REPS1: variants seen among roughly 807,000 people sequenced by gnomAD.
REPS1 encodes the protein RALBP1 associated Eps domain containing 1.
REPS1 carries 39 observed loss-of-function variants against 100.9 expected under a neutral mutation model. That is an observed-to-expected ratio of 0.39 (90% CI 0.30 to 0.50). The LOEUF (loss-of-function observed/expected upper bound fraction) is 0.50, where lower values mean the gene tolerates loss of function less well. Ranked by LOEUF, REPS1 falls within the 20% of genes least tolerant of loss-of-function variation. The probability of loss-of-function intolerance (pLI) is 0.86; values close to 1 mark genes in which losing one functional copy is unlikely to be tolerated. For synonymous variants in REPS1, 324 were observed against 340.3 expected (o/e 0.95, Z 0.53); for missense variants, 821 against 968.5 (o/e 0.85, Z 2.02).
At chr6:138,962,758 T>C (rs936283639) in intron 1 of REPS1, among the ~76,000 whole-genome samples, 1 of 152,194 alleles carries the variant, frequency 6.6e-6, no homozygotes, top group Non-Finnish European at 1.5e-5. Context: ...ATTTATTGTA[T>C]GTCTCCCAAA....
chr6:138,910,308 C>A (rs1264718856), intron 17 of REPS1, among the ~76,000 whole-genome samples: 1 of 152,210 alleles, frequency 6.6e-6, no homozygotes, highest in Non-Finnish European at 1.5e-5. Flanking sequence ...GAAGCAGATG[C>A]TGGTACCATG....
At chr6:138,924,320 A>G (rs981297491) in intron 10 of REPS1, among the ~76,000 whole-genome samples, 2 of 152,212 alleles carry the variant, frequency 1.3e-5, no homozygotes, top group Non-Finnish European at 2.9e-5. Context: ...ATTTTCCTAG[A>G]GCCTCCTGAC....
At chr6:138,980,629 A>G (rs1784888881) in intron 1 of REPS1, among the ~76,000 whole-genome samples, 1 of 122,574 alleles carries the variant, frequency 8.2e-6, no homozygotes, top group Admixed American at 1.1e-4. Context: ...TCTACCACCC[A>G]ATGATTCTCT....
intron 19 of REPS1, 143 bp from the exon 20 acceptor site, chr6:138,905,275 C>G (rs1779557366): frequency 1.7e-6 from 1 of 593,358 alleles, no homozygotes; most frequent in African/African-American, 1.9e-5. Context: ...AAGTATACTT[C>G]ACTTTAGAAA....
intron 8 of REPS1, among the ~76,000 whole-genome samples, chr6:138,938,716 A>G (rs1782029920): frequency 6.6e-6 from 1 of 152,232 alleles, no homozygotes; most frequent in African/African-American, 2.4e-5. Context: ...CAGAAATGAG[A>G]GAAACCACCT....
chr6:138,910,121 C>T (rs1365851827), intron 17 of REPS1, among the ~76,000 whole-genome samples: 1 of 152,138 alleles, frequency 6.6e-6, no homozygotes, highest in East Asian at 1.9e-4. Context: ...AGATAGATCC[C>T]TTGTGAATGG....
chr6:138,904,457 T>G lies in REPS1; in HGVS notation c.*607A>C, dbSNP rs1055489541. ...AAATAGTTCGAAGTCGCTGATGAAG[T>G]TGATCACATTTCCACAAGGAAAATA... On this transcript the variant is annotated 3_prime_UTR_variant, in exon 20 of 20. Coordinates refer to ENST00000450536, the MANE Select transcript of REPS1 (RefSeq NM_001286611.2). 6.6e-6 allele frequency: 1 copy of G among 152,240 alleles called. No individual in the cohort carries two copies. Among genetic ancestry groups the G allele is most frequent in the Non-Finnish European group, 1.5e-5 (1 of 68,036 alleles). 9.4% of individuals were successfully genotyped at this position (152,240 alleles called of 1,614,324 possible). A position where few individuals can be genotyped will look rare whatever the true frequency, so the allele number is the denominator to read the frequency against.
intron 1 of REPS1, among the ~76,000 whole-genome samples, 184 bp downstream of exon 1, chr6:138,987,346 C>A (rs993820952): frequency 2.0e-5 from 3 of 152,178 alleles, no homozygotes; most frequent in Admixed American, 6.5e-5. Flanking sequence ...CTAAGGGCAA[C>A]CCCCTCCCCC....
At chr6:138,984,815 C>T (rs907344815) in intron 1 of REPS1, among the ~76,000 whole-genome samples, 28 of 152,284 alleles carry the variant, frequency 1.8e-4, no homozygotes, top group African/African-American at 6.5e-4. Flanking sequence ...TAGTTCAAAG[C>T]TCTCCATCCA....
intron 1 of REPS1, among the ~76,000 whole-genome samples, chr6:138,954,909 G>C (rs1054746779): frequency 6.6e-6 from 1 of 151,834 alleles, no homozygotes; most frequent in African/African-American, 2.4e-5. Flanking sequence ...ACACAGGTAG[G>C]GTCACTGTAC....
chr6:138,916,192 A>T, intron 13 of REPS1: 1 of 468,978 alleles, frequency 2.1e-6, no homozygotes, highest in Non-Finnish European at 3.7e-6. Flanking sequence ...TTTTTAATAA[A>T]GTTATTAAGC....
chr6:138,969,341 G>C (rs1054492274), intron 1 of REPS1, among the ~76,000 whole-genome samples: 1 of 138,984 alleles, frequency 7.2e-6, no homozygotes, highest in African/African-American at 2.7e-5. Context: ...TTCCAGGCTG[G>C]AGTGCAGTGG....
chr6:138,979,185 AAAAAAAAAAAAAC>A (rs1366536832), intron 1 of REPS1, among the ~76,000 whole-genome samples: 24 of 143,302 alleles, frequency 1.7e-4, no homozygotes, highest in African/African-American at 5.6e-4. Context: ...CATCACAAAA[AAAAAAAAAAAAAC>A]AAAAAAAAAA....
At chr6:138,933,840 T>C (rs1781628406) in intron 8 of REPS1, among the ~76,000 whole-genome samples, 2 of 152,174 alleles carry the variant, frequency 1.3e-5, no homozygotes, top group Non-Finnish European at 2.9e-5. Context: ...ATTTAACCCA[T>C]GTAAACAAAG....
intron 13 of REPS1, 177 bp from the exon 14 acceptor site, chr6:138,916,153 C>A: frequency 4.1e-6 from 2 of 483,916 alleles, no homozygotes; most frequent in South Asian, 2.5e-5. Flanking sequence ...GTACCCTAAA[C>A]AACTGATTAT....
intron 1 of REPS1, among the ~76,000 whole-genome samples, chr6:138,969,427 G>A (rs1784205755): frequency 6.6e-6 from 1 of 150,728 alleles, no homozygotes; most frequent in Non-Finnish European, 1.5e-5. Context: ...GCAGCTAACA[G>A]GCACACACCA....
intron 1 of REPS1, among the ~76,000 whole-genome samples, chr6:138,967,586 G>C (rs1189327084): frequency 6.6e-6 from 1 of 152,140 alleles, no homozygotes; most frequent in Admixed American, 6.5e-5. Context: ...AGGTAGTTCA[G>C]AGTAGTTTTC....
chr6:138,923,112 T>C (rs532834216), intron 10 of REPS1, among the ~76,000 whole-genome samples: 4 of 152,302 alleles, frequency 2.6e-5, no homozygotes, highest in South Asian at 2.1e-4. Flanking sequence ...ATTAACATTA[T>C]AGATGGATGA....
intron 1 of REPS1, among the ~76,000 whole-genome samples, chr6:138,964,146 C>T (rs1037962283): frequency 6.6e-6 from 1 of 152,154 alleles, no homozygotes; most frequent in African/African-American, 2.4e-5. Flanking sequence ...ACCAAGACCA[C>T]ATTGCTTCTT....
Sources: allele counts gnomAD v4.1 joint callset (sites outside exome capture counted in the v4.1 genomes callset), GRCh38; gene constraint gnomAD v4.1.1; transcripts MANE v1.5; gene names NCBI Gene and HGNC (gene_info 2026-07-23, HGNC 2026-07-21).